FBXO42: variants seen among roughly 807,000 people sequenced by gnomAD.
The protein encoded by FBXO42 is F-box only protein 42.
A neutral mutation model predicts 71.7 loss-of-function variants in FBXO42; 12 were observed. That is an observed-to-expected ratio of 0.17 (90% confidence interval 0.11 to 0.27). The LOEUF is 0.27. Ranked by LOEUF, FBXO42 falls within the 10% of genes least tolerant of loss-of-function variation. The probability of loss-of-function intolerance (pLI) is 1.00; values close to 1 mark genes in which losing one functional copy is unlikely to be tolerated. For missense variants in FBXO42, 707 were observed against 911.9 expected (o/e 0.78, Z 2.89); for synonymous variants, 325 against 327.5 (o/e 0.99, Z 0.08).
intron 2 of FBXO42, among the ~76,000 whole-genome samples, chr1:16,306,637 T>TA (rs2082253897): frequency 6.6e-6 from 1 of 152,238 alleles, no homozygotes; most frequent in South Asian, 2.1e-4. Context: ...TTGGAAACTA[T>TA]AATAAAGCAT....
intron 3 of FBXO42, among the ~76,000 whole-genome samples, chr1:16,303,017 C>A (rs1001758682): frequency 3.3e-5 from 5 of 151,826 alleles, no homozygotes; most frequent in Non-Finnish European, 7.4e-5. Flanking sequence ...CTCAGGGGTT[C>A]GAGACCAGTC....
chr1:16,332,061 A>G (rs1033477623), intron 1 of FBXO42, among the ~76,000 whole-genome samples: 7 of 152,118 alleles, frequency 4.6e-5, no homozygotes, highest in Admixed American at 4.6e-4. Context: ...AAAAAAAAAA[A>G]GAAAAAGAAA....
Position 16,321,203 on chromosome 1 carries a change from T to C in FBXO42, c.-17-5768A>G, listed in dbSNP as rs141138112. Among the ~76,000 whole-genome samples, 23 of 152,306 alleles carry C rather than the reference T, an allele frequency of 1.5e-4. No individual in the cohort carries two copies. The East Asian group carries it at 2.9e-3, about 19-fold the overall frequency. ...CACAAAAACATCAAACCCCATACCT[T>C]TGAGGGCATGTTTGCTAACTTGGCC... On this transcript the variant is annotated intron_variant, in intron 1 of 9. Transcript: ENST00000375592.
At chr1:16,330,669 C>T (rs1399162454) in intron 1 of FBXO42, among the ~76,000 whole-genome samples, 2 of 152,016 alleles carry the variant, frequency 1.3e-5, no homozygotes, top group South Asian at 2.1e-4. Flanking sequence ...TGGCCAGGTG[C>T]GGTGGCTCAC....
chr1:16,308,748 T>G (rs1316452526), intron 2 of FBXO42, among the ~76,000 whole-genome samples: 1 of 142,642 alleles, frequency 7.0e-6, no homozygotes, highest in Non-Finnish European at 1.5e-5. Context: ...CTGTTTTTTT[T>G]TTTTTTTTTT....
intron 1 of FBXO42, among the ~76,000 whole-genome samples, chr1:16,329,651 A>C (rs1487199503): frequency 6.6e-6 from 1 of 151,648 alleles, no homozygotes; most frequent in Non-Finnish European, 1.5e-5. Context: ...GATATAACTG[A>C]TTAAGAAAAA....
intron 1 of FBXO42, among the ~76,000 whole-genome samples, chr1:16,347,137 T>C (rs560105827): frequency 1.3e-5 from 2 of 152,156 alleles, no homozygotes; most frequent in African/African-American, 2.4e-5. Context: ...TAAATACACT[T>C]ATCTGTGTGT....
intron 4 of FBXO42, among the ~76,000 whole-genome samples, chr1:16,291,055 A>T (rs2082072124): frequency 6.6e-6 from 1 of 152,184 alleles, no homozygotes; most frequent in East Asian, 1.9e-4. Flanking sequence ...TGATGCTCTT[A>T]CTTCTCCAAC....
chr1:16,321,693 GT>G (rs143212893), intron 1 of FBXO42, among the ~76,000 whole-genome samples: 45,260 of 143,424 alleles, frequency 0.32, 7,004 homozygotes, highest in Non-Finnish European at 0.35. Flanking sequence ...GCTCGCAAGG[GT>G]TTTTTTTTTT....
At chr1:16,314,020 C>G (rs531896398) in intron 2 of FBXO42, among the ~76,000 whole-genome samples, 1 of 152,306 alleles carries the variant, frequency 6.6e-6, no homozygotes. Context: ...GTGGCGTGAT[C>G]TTGGCTCACT....
chr1:16,280,551 T>C (rs1385627564), intron 4 of FBXO42, among the ~76,000 whole-genome samples: 2 of 152,162 alleles, frequency 1.3e-5, no homozygotes, highest in African/African-American at 4.8e-5. Context: ...ATTGTCACAG[T>C]GTGCTATACT....
At chr1:16,312,453 C>A (rs537087436) in intron 2 of FBXO42, among the ~76,000 whole-genome samples, 1 of 152,186 alleles carries the variant, frequency 6.6e-6, no homozygotes, top group East Asian at 1.9e-4. Flanking sequence ...AACTATATGA[C>A]CTTCTAGAAA....
At chr1:16,254,351 G>T (rs2081618711) in intron 6 of FBXO42, among the ~76,000 whole-genome samples, 1 of 152,118 alleles carries the variant, frequency 6.6e-6, no homozygotes, top group Non-Finnish European at 1.5e-5. Context: ...GATTCAAAAG[G>T]CAGCTTCATC....
rs1557566201 is a variant in FBXO42, at chr1:16,251,182, C to T, written c.1642G>A (p.Ala548Thr). ...HTPPHVASALAGAVSPGALRR... is the reference protein window; with the variant it reads ...HTPPHVASALTGAVSPGALRR... ...AGGGCACCTGGGGAGACGGCCCCTG[C>T]AAGGGCACTGGCCACGTGAGGTGGG... Residue 548 changes from alanine (A) to threonine (T), a missense_variant, in exon 10 of 10, where the codon GCA becomes ACA. By Grantham distance (58) the Ala-to-Thr change is moderately conservative (BLOSUM62 0). Coordinates refer to ENST00000375592, the MANE Select transcript of FBXO42 (RefSeq NM_018994.3). The surrounding 1 kb of genome is among the most constrained non-coding windows in gnomAD (Gnocchi z 4.5). 6.2e-7 allele frequency: 1 copy of T among 1,614,132 alleles called. No homozygotes were observed. Among genetic ancestry groups the T allele is most frequent in the Non-Finnish European group, 8.5e-7 (1 of 1,180,014 alleles).
chr1:16,290,752 G>A (rs1304561631), intron 4 of FBXO42, among the ~76,000 whole-genome samples: 1 of 151,374 alleles, frequency 6.6e-6, no homozygotes, highest in African/African-American at 2.4e-5. Flanking sequence ...CTGAGAAGGT[G>A]GCAGTCTGCA....
chr1:16,320,222 G>A (rs910417051), intron 1 of FBXO42, among the ~76,000 whole-genome samples: 1 of 150,708 alleles, frequency 6.6e-6, no homozygotes. Flanking sequence ...CTAGCTGGGC[G>A]TGGTGGCACA....
chr1:16,351,822 G>A (rs1026377719), intron 1 of FBXO42, among the ~76,000 whole-genome samples: 8 of 152,144 alleles, frequency 5.3e-5, no homozygotes, highest in Admixed American at 2.6e-4. Context: ...TTATCCCTTT[G>A]CAGCTGCAGG....
chr1:16,290,099 T>C (rs1414353158), intron 4 of FBXO42, among the ~76,000 whole-genome samples: 4 of 152,208 alleles, frequency 2.6e-5, no homozygotes, highest in South Asian at 2.1e-4. Context: ...TGAGAAGTAC[T>C]AGCTGTGGGT....
intron 1 of FBXO42, among the ~76,000 whole-genome samples, chr1:16,345,336 T>C (rs1223435914): frequency 2.6e-5 from 4 of 151,894 alleles, no homozygotes; most frequent in African/African-American, 7.3e-5. Flanking sequence ...GGCAGGAGAA[T>C]TGCTTGAACC....
Sources: gnomAD v4.1 joint callset for allele counts (sites outside exome capture counted in the v4.1 genomes callset) on GRCh38, gnomAD v4.1.1 for gene constraint, Gnocchi (gnomAD v3.1) non-coding constraint, MANE v1.5 for transcripts, NCBI Gene and HGNC (gene_info 2026-07-23, HGNC 2026-07-21) for gene names.